The following DCDC2 variants were observed in gnomAD, a reference collection of about 807,000 sequenced individuals.
DCDC2 encodes the protein doublecortin domain-containing protein 2.
In DCDC2, 40 loss-of-function variants were observed where a neutral mutation model predicts 50.2. The observed-to-expected ratio is 0.80, with a 90% CI of 0.62 to 1.04. The LOEUF (loss-of-function observed/expected upper bound fraction) is 1.04. Ranked by LOEUF, DCDC2 falls within the 50% of genes least tolerant of loss-of-function variation. The pLI is 0.00. For synonymous variants in DCDC2, 234 were observed against 210.6 expected, an observed-to-expected ratio of 1.11 and a Z score of -0.96; for missense variants, 570 against 581.9, an observed-to-expected ratio of 0.98 and a Z score of 0.21.
At chr6:24,300,188 AAG>A (rs1245339090) in intron 4 of DCDC2, among the ~76,000 whole-genome samples, 3 of 151,958 alleles carry the variant, frequency 2.0e-5, no homozygotes, top group Non-Finnish European at 4.4e-5. Flanking sequence ...CCAGGAGTTC[AAG>A]ACCAGCTTGG....
At chr6:24,334,583 ACTAT>A (rs1760023451) in intron 2 of DCDC2, among the ~76,000 whole-genome samples, 1 of 152,240 alleles carries the variant, frequency 6.6e-6, no homozygotes, top group African/African-American at 2.4e-5. Flanking sequence ...TAAGTTATTT[ACTAT>A]CTGTTTACAG....
At chr6:24,275,553 T>G (rs1763333136) in intron 7 of DCDC2, among the ~76,000 whole-genome samples, 1 of 152,136 alleles carries the variant, frequency 6.6e-6, no homozygotes, top group African/African-American at 2.4e-5. Context: ...AAAAAAAAAT[T>G]CATTCCCTAA....
Position 24,178,385 on chromosome 6 carries a change from T to G in DCDC2, c.1271A>C (p.Gln424Pro), listed in dbSNP as rs794729665. 1.2e-6 allele frequency: 2 copies of G among 1,614,178 alleles called. No homozygotes were observed. Among genetic ancestry groups the G allele is most frequent in the Non-Finnish European group, 8.5e-7 (1 of 1,180,036 alleles). Residue 424 changes from glutamine to proline, a missense_variant, in exon 9 of 10, where the codon CAA becomes CCA. By Grantham distance (76) the Gln-to-Pro change is moderately conservative. Coordinates refer to ENST00000378454, the MANE Select transcript of DCDC2 (RefSeq NM_016356.5). Reference sequence around the variant, plus strand: ...CTTTCTTTCCTTGTCTAGGACCAGTTGAAGCTCATTATTAACCTGCTGCAG... The same window carrying G: ...CTTTCTTTCCTTGTCTAGGACCAGTGGAAGCTCATTATTAACCTGCTGCAG... ...EELQQVNNEL[Q>P]LVLDKERKSQ...
At chr6:24,381,035 T>C in the DCDC2 span, among the ~76,000 whole-genome samples, 1 of 149,450 alleles carries the variant, frequency 6.7e-6, no homozygotes, top group African/African-American at 2.5e-5. Flanking sequence ...CGAGCCATGA[T>C]CACACCACTG....
the DCDC2 span, among the ~76,000 whole-genome samples, chr6:24,375,218 A>C: frequency 6.6e-6 from 1 of 152,082 alleles, no homozygotes; most frequent in Non-Finnish European, 1.5e-5. Context: ...CTGTGGAATG[A>C]GGTGAAAAAC....
chr6:24,255,067 T>G (rs1261854654), intron 7 of DCDC2, among the ~76,000 whole-genome samples: 6 of 151,978 alleles, frequency 3.9e-5, no homozygotes, highest in African/African-American at 1.4e-4. Flanking sequence ...TATCAAGACA[T>G]AAGGATGATA....
At chr6:24,223,961 G>A (rs912823648) in intron 7 of DCDC2, among the ~76,000 whole-genome samples, 3 of 152,152 alleles carry the variant, frequency 2.0e-5, no homozygotes, top group African/African-American at 7.2e-5. Flanking sequence ...TATTTCTAAT[G>A]ACCTTGACCT....
At chr6:24,225,485 T>C (rs937437200) in intron 7 of DCDC2, among the ~76,000 whole-genome samples, 40 of 152,060 alleles carry the variant, frequency 2.6e-4, no homozygotes, top group African/African-American at 8.9e-4. Flanking sequence ...GATAGAAAGC[T>C]CACAAAAGAA....
At chr6:24,295,878 C>A (rs1759223112) in intron 4 of DCDC2, among the ~76,000 whole-genome samples, 1 of 152,092 alleles carries the variant, frequency 6.6e-6, no homozygotes, top group Admixed American at 6.5e-5. Flanking sequence ...GAATTAGTAT[C>A]ATGAAAATGG....
intron 8 of DCDC2, among the ~76,000 whole-genome samples, chr6:24,181,414 G>A (rs757666687): frequency 1.3e-5 from 2 of 152,192 alleles, no homozygotes; most frequent in Non-Finnish European, 2.9e-5. Flanking sequence ...AAGGCACTGA[G>A]ATACAGACAC....
chr6:24,197,552 C>A (rs1190601616), intron 8 of DCDC2, among the ~76,000 whole-genome samples: 1 of 152,136 alleles, frequency 6.6e-6, no homozygotes, highest in Non-Finnish European at 1.5e-5. Flanking sequence ...GGAAAAAATA[C>A]CTATAACTGG....
intron 7 of DCDC2, among the ~76,000 whole-genome samples, chr6:24,226,319 C>T (rs1762233116): frequency 6.6e-6 from 1 of 152,150 alleles, no homozygotes. Context: ...GTACAAAGTG[C>T]TAATAGTACC....
At chr6:24,278,939 T>G (rs1763415877) in intron 6 of DCDC2, among the ~76,000 whole-genome samples, 1 of 152,152 alleles carries the variant, frequency 6.6e-6, no homozygotes, top group Admixed American at 6.5e-5. Flanking sequence ...TCCCCACTTG[T>G]TCCTGAGGGA....
chr6:24,249,611 C>A (rs1396770987), intron 7 of DCDC2, among the ~76,000 whole-genome samples: 1 of 152,132 alleles, frequency 6.6e-6, no homozygotes, highest in East Asian at 1.9e-4. Context: ...TAAGCCTAAT[C>A]CAACCGACAG....
rs1761735602 is a variant in DCDC2 at position 24,207,256 on chromosome 6, T to TCTC, written c.923-2155_923-2154insGAG. Among the ~76,000 whole-genome samples, 154 of 129,682 alleles carry TCTC rather than the reference T, an allele frequency of 1.2e-3. 1 individual carries two copies. Among genetic ancestry groups the TCTC allele is most frequent in the Middle Eastern group, 3.9e-3 (1 of 258 alleles). The allele number at this position is 129,682 out of a possible 152,430, so 85.1% of individuals were successfully genotyped here. A position where few individuals can be genotyped will look rare whatever the true frequency, so the allele number is the denominator to read the frequency against. On this transcript the variant is annotated intron_variant, in intron 7 of 9. Coordinates refer to ENST00000378454, the MANE Select transcript of DCDC2 (RefSeq NM_016356.5). Reference sequence around the variant, plus strand: ...CTTCCCTCCCTCACTCCATCTATCTTTCTCTCTCTCTCTCTCTCTCTCTCT... The same window carrying TCTC: ...CTTCCCTCCCTCACTCCATCTATCTTCTCTCTCTCTCTCTCTCTCTCTCTCTCT...
chr6:24,190,478 T>C (rs1216713990), intron 8 of DCDC2, among the ~76,000 whole-genome samples: 2 of 152,132 alleles, frequency 1.3e-5, no homozygotes, highest in South Asian at 2.1e-4. Flanking sequence ...TGTATACGTA[T>C]GTAACAAACC....
rs1300103283 is a variant in DCDC2 at position 24,173,222 on chromosome 6, ATC to A, written c.*1506_*1507del. The A allele has an allele frequency of 6.6e-6, 1 of 151,980 alleles. No homozygotes were observed. Among genetic ancestry groups the A allele is most frequent in the Non-Finnish European group, 1.5e-5 (1 of 67,974 alleles). 9.4% of individuals were successfully genotyped at this position (151,980 alleles called of 1,614,324 possible). A position where few individuals can be genotyped will look rare whatever the true frequency, so the allele number is the denominator to read the frequency against. On this transcript the variant is annotated 3_prime_UTR_variant, in exon 10 of 10. Coordinates refer to ENST00000378454, the MANE Select transcript of DCDC2 (RefSeq NM_016356.5). ...TATCTCTTCCAAATACTGTTACATT[ATC>A]TCTCTGTTTACACTTCTGATCTGTG...
intron 2 of DCDC2, chr6:24,353,316 G>A: frequency 3.7e-6 from 2 of 538,454 alleles, no homozygotes; most frequent in South Asian, 3.1e-5. Context: ...CAGAGAACAT[G>A]TAGCTAGAAA....
chr6:24,206,575 G>A (rs1164843712), intron 7 of DCDC2, among the ~76,000 whole-genome samples: 2 of 152,168 alleles, frequency 1.3e-5, no homozygotes, highest in African/African-American at 2.4e-5. Context: ...TGCTTACTAA[G>A]AGACTACAAA....
Sources: allele counts gnomAD v4.1 joint callset (sites outside exome capture counted in the v4.1 genomes callset), GRCh38; gene constraint gnomAD v4.1.1; transcripts MANE v1.5; gene names NCBI Gene and HGNC (gene_info 2026-07-23, HGNC 2026-07-21).